The following TENM4 variants were observed in gnomAD, a reference collection of about 807,000 sequenced individuals.
The protein encoded by TENM4 is teneurin transmembrane protein 4, also known as teneurin-4.
In TENM4, 82 loss-of-function variants were observed where a neutral mutation model predicts 243.3. The observed-to-expected ratio is 0.34, with a 90% CI of 0.28 to 0.40. TENM4 has a LOEUF of 0.40. Ranked by LOEUF, TENM4 falls within the 10% of genes least tolerant of loss-of-function variation. The pLI is 1.00. For missense variants in TENM4, 3,138 were observed against 3,673.3 expected, an observed-to-expected ratio of 0.85 and a Z score of 3.77; for synonymous variants, 1,412 against 1,456.3, an observed-to-expected ratio of 0.97 and a Z score of 0.69.
chr11:79,373,998 G>A (rs1032619316), intron 1 of TENM4, among the ~76,000 whole-genome samples: 1 of 152,192 alleles, frequency 6.6e-6, no homozygotes, highest in African/African-American at 2.4e-5. Context: ...GCAGGTAGGA[G>A]AGGGGGGCAT....
intron 6 of TENM4, among the ~76,000 whole-genome samples, chr11:78,945,751 G>C (rs1856991665): frequency 6.6e-6 from 1 of 152,168 alleles, no homozygotes; most frequent in East Asian, 1.9e-4. Flanking sequence ...AGGCAAAACA[G>C]CCTTTTTGCT....
intron 16 of TENM4, among the ~76,000 whole-genome samples, chr11:78,778,864 C>G (rs1856789062): frequency 6.6e-6 from 1 of 152,122 alleles, no homozygotes; most frequent in African/African-American, 2.4e-5. Flanking sequence ...GTGATCCAGG[C>G]ATTTGGAAAT....
intron 2 of TENM4, among the ~76,000 whole-genome samples, chr11:79,278,190 G>T (rs371673666): frequency 6.6e-6 from 1 of 152,166 alleles, no homozygotes; most frequent in Non-Finnish European, 1.5e-5. Flanking sequence ...ACCTTGTTCC[G>T]ATGAGGATTC....
chr11:79,318,677 T>C (rs997367485), intron 1 of TENM4, among the ~76,000 whole-genome samples: 3 of 152,212 alleles, frequency 2.0e-5, no homozygotes, highest in Non-Finnish European at 2.9e-5. Flanking sequence ...TAGAGTATAA[T>C]GTAGTAAAAT....
intron 6 of TENM4, among the ~76,000 whole-genome samples, chr11:79,033,787 CTTGAT>C (rs1859307580): frequency 6.6e-6 from 1 of 152,160 alleles, no homozygotes; most frequent in South Asian, 2.1e-4. Flanking sequence ...AATAAATAGA[CTTGAT>C]TTGATTTGTG....
chr11:79,004,364 C>A (rs960127167), intron 6 of TENM4, among the ~76,000 whole-genome samples: 1 of 152,136 alleles, frequency 6.6e-6, no homozygotes, highest in Non-Finnish European at 1.5e-5. Flanking sequence ...ACAAGGCACA[C>A]ACTTTAAATC....
At position 78,729,364 on chromosome 11, in the gene TENM4, C is replaced by T. The variant is rs377552843; in HGVS notation, c.3406+12G>A. The T allele has an allele frequency of 2.6e-5, 40 of 1,563,046 alleles. No homozygotes were observed. The highest frequency in any genetic ancestry group is 8.1e-5 in the African/African-American group (6 of 73,752). On this transcript the variant is annotated intron_variant, in intron 22 of 33. Coordinates refer to ENST00000278550, the MANE Select transcript of TENM4 (RefSeq NM_001098816.3). ...AGAGCTATTCTCTGAGTCCTGCAGC[C>T]GGGAGGCTTACCAAAGGCTTCTGAA... is the stretch of plus-strand genomic sequence containing the variant.
chr11:79,046,259 G>A (rs940435133), intron 6 of TENM4, among the ~76,000 whole-genome samples: 1 of 152,158 alleles, frequency 6.6e-6, no homozygotes, highest in South Asian at 2.1e-4. Context: ...GGCCTCAGGG[G>A]CCCAGCATGG....
At chr11:78,664,487 A>G (rs1227487426) in intron 32 of TENM4, among the ~76,000 whole-genome samples, 1 of 152,160 alleles carries the variant, frequency 6.6e-6, no homozygotes, top group Non-Finnish European at 1.5e-5. Flanking sequence ...GGCCTTCCAA[A>G]GTACTGGGAT....
intron 3 of TENM4, among the ~76,000 whole-genome samples, chr11:79,158,399 G>A (rs1862668112): frequency 1.3e-5 from 2 of 152,292 alleles, no homozygotes; most frequent in South Asian, 4.1e-4. Context: ...GTTGAGCCTG[G>A]CTCTGTCATG....
intron 9 of TENM4, among the ~76,000 whole-genome samples, chr11:78,877,749 T>C (rs1361208842): frequency 6.6e-6 from 1 of 152,200 alleles, no homozygotes; most frequent in African/African-American, 2.4e-5. Flanking sequence ...TCCCTTCTTT[T>C]TGACACATTT....
At chr11:79,185,990 A>G (rs1483665535) in intron 3 of TENM4, among the ~76,000 whole-genome samples, 1 of 152,190 alleles carries the variant, frequency 6.6e-6, no homozygotes. Flanking sequence ...TCATTGTCCC[A>G]ATAACCTTTC....
At chr11:78,915,513 G>T (rs1856294926) in intron 6 of TENM4, among the ~76,000 whole-genome samples, 1 of 152,098 alleles carries the variant, frequency 6.6e-6, no homozygotes, top group Non-Finnish European at 1.5e-5. Flanking sequence ...GGGGTGATTT[G>T]GGCACTCTGT....
At chr11:78,919,606 A>G (rs985713563) in intron 6 of TENM4, among the ~76,000 whole-genome samples, 1 of 152,230 alleles carries the variant, frequency 6.6e-6, no homozygotes, top group Admixed American at 6.5e-5. Flanking sequence ...TTGTCATCAT[A>G]TGAGGAATGC....
chr11:78,856,800 C>T (rs1453172394), intron 10 of TENM4, among the ~76,000 whole-genome samples: 1 of 152,066 alleles, frequency 6.6e-6, no homozygotes, highest in Non-Finnish European at 1.5e-5. Context: ...GCAAAATGTT[C>T]CTTTGTCTTT....
At chr11:79,138,856 C>T (rs186336138) in intron 4 of TENM4, among the ~76,000 whole-genome samples, 26,456 of 93,938 alleles carry the variant, frequency 0.28, 5,714 homozygotes, top group African/African-American at 0.53. Flanking sequence ...TATAAATATA[C>T]AAAATATACC....
At chr11:79,195,379 G>A (rs926341677) in intron 3 of TENM4, among the ~76,000 whole-genome samples, 5 of 152,110 alleles carry the variant, frequency 3.3e-5, no homozygotes, top group Admixed American at 6.5e-5. Flanking sequence ...AGCTTGCACC[G>A]TGCACCTGCA....
intron 5 of TENM4, among the ~76,000 whole-genome samples, chr11:79,067,223 A>G (rs1860286505): frequency 6.6e-6 from 1 of 152,206 alleles, no homozygotes; most frequent in African/African-American, 2.4e-5. Context: ...TATTTTGCAT[A>G]CCACTCCTCC....
intron 6 of TENM4, among the ~76,000 whole-genome samples, chr11:79,030,950 A>C (rs1859217763): frequency 6.6e-6 from 1 of 152,156 alleles, no homozygotes; most frequent in African/African-American, 2.4e-5. Context: ...AGCGAGACAG[A>C]GAGAAAGTGG....
Sources: gnomAD v4.1 joint callset for allele counts (sites outside exome capture counted in the v4.1 genomes callset) on GRCh38, gnomAD v4.1.1 for gene constraint, MANE v1.5 for transcripts, NCBI Gene and HGNC (gene_info 2026-07-23, HGNC 2026-07-21) for gene names.